Variants in PTPRK observed in about 807,000 individuals in gnomAD.
PTPRK encodes protein tyrosine phosphatase receptor type K, also known as receptor-type tyrosine-protein phosphatase kappa.
Under a neutral mutation model 178.0 loss-of-function variants are expected in PTPRK, and 75 were observed. The observed-to-expected ratio is 0.42, with a 90% CI of 0.35 to 0.51. PTPRK has a LOEUF of 0.51. PTPRK is among the 20% of genes least tolerant of loss of function. The pLI, the probability that PTPRK is intolerant of heterozygous loss-of-function variation, is 0.02. For synonymous variants in PTPRK, 637 were observed against 620.6 expected, an observed-to-expected ratio of 1.03 and a Z score of -0.39; for missense variants, 1,441 against 1,797.8, an observed-to-expected ratio of 0.80 and a Z score of 3.59.
At chr6:128,440,498 G>C (rs1846142055) in intron 1 of PTPRK, among the ~76,000 whole-genome samples, 1 of 152,100 alleles carries the variant, frequency 6.6e-6, no homozygotes, top group African/African-American at 2.4e-5. Flanking sequence ...TCAAAAACTT[G>C]TTTTAACATA....
chr6:128,506,565 CAGG>C (rs767205575), intron 1 of PTPRK, among the ~76,000 whole-genome samples: 4 of 147,646 alleles, frequency 2.7e-5, no homozygotes, highest in Non-Finnish European at 5.9e-5. Context: ...AAGGCTGAGG[CAGG>C]AGTTTTGCTT....
intron 1 of PTPRK, among the ~76,000 whole-genome samples, chr6:128,466,437 A>G (rs942566685): frequency 2.0e-5 from 3 of 152,232 alleles, no homozygotes; most frequent in Admixed American, 6.5e-5. Flanking sequence ...TAGAAAATAA[A>G]GCAATTATAT....
At chr6:128,209,085 C>T (rs182585031) in intron 6 of PTPRK, among the ~76,000 whole-genome samples, 1 of 151,980 alleles carries the variant, frequency 6.6e-6, no homozygotes, top group Non-Finnish European at 1.5e-5. Context: ...TAACCACCCC[C>T]CCCAGGAACA....
At chr6:128,336,407 CAGTT>C (rs1562307933) in intron 2 of PTPRK, among the ~76,000 whole-genome samples, 3 of 152,148 alleles carry the variant, frequency 2.0e-5, no homozygotes, top group Admixed American at 6.6e-5. Flanking sequence ...AAAGAAGTAA[CAGTT>C]AGATCTCAGA....
intron 3 of PTPRK, among the ~76,000 whole-genome samples, chr6:128,261,733 C>T (rs1818213570): frequency 6.6e-6 from 1 of 151,958 alleles, no homozygotes; most frequent in Non-Finnish European, 1.5e-5. Flanking sequence ...TTGCATCTGG[C>T]TAGTGACTAG....
At chr6:128,443,939 A>T (rs1200723377) in intron 1 of PTPRK, among the ~76,000 whole-genome samples, 4 of 151,784 alleles carry the variant, frequency 2.6e-5, no homozygotes, top group African/African-American at 4.8e-5. Context: ...TGCAACCTCC[A>T]CCTCCCAGGT....
intron 1 of PTPRK, among the ~76,000 whole-genome samples, chr6:128,423,385 G>A (rs544858300): frequency 6.6e-6 from 1 of 152,124 alleles, no homozygotes; most frequent in African/African-American, 2.4e-5. Context: ...ATCTATATTT[G>A]TTTTGGGGAG....
chr6:128,230,360 T>C (rs1461949635), intron 5 of PTPRK, among the ~76,000 whole-genome samples: 2 of 152,110 alleles, frequency 1.3e-5, no homozygotes, highest in Non-Finnish European at 2.9e-5. Context: ...AAGACTATGG[T>C]GTCTAGGGAT....
At chr6:128,093,270 T>C (rs769807620) in intron 7 of PTPRK, among the ~76,000 whole-genome samples, 3 of 151,820 alleles carry the variant, frequency 2.0e-5, no homozygotes, top group Non-Finnish European at 4.4e-5. Context: ...GAAAAGGCTG[T>C]AGTCAAAAAT....
chr6:128,454,449 TTTTGC>T (rs1430933183), intron 1 of PTPRK, among the ~76,000 whole-genome samples: 3 of 152,224 alleles, frequency 2.0e-5, no homozygotes, highest in Non-Finnish European at 4.4e-5. Flanking sequence ...CCAGCCATCT[TTTTGC>T]TTTATCAATA....
intron 1 of PTPRK, among the ~76,000 whole-genome samples, chr6:128,440,377 A>C (rs1846123376): frequency 6.6e-6 from 1 of 152,130 alleles, no homozygotes; most frequent in Non-Finnish European, 1.5e-5. Context: ...TTTCTTTCTC[A>C]ATCAAAACTC....
chr6:128,225,690 A>G (rs1245200531), intron 5 of PTPRK, among the ~76,000 whole-genome samples: 3 of 152,152 alleles, frequency 2.0e-5, no homozygotes, highest in Non-Finnish European at 4.4e-5. Context: ...AAAAAATACT[A>G]TGTTATTATT....
intron 6 of PTPRK, among the ~76,000 whole-genome samples, chr6:128,191,575 T>C (rs1256357301): frequency 6.6e-6 from 1 of 152,056 alleles, no homozygotes; most frequent in Admixed American, 6.6e-5. Context: ...ATATTAAATA[T>C]TCTCACCACA....
chr6:128,310,640 G>C (rs1267805031), intron 3 of PTPRK, among the ~76,000 whole-genome samples: 1 of 152,156 alleles, frequency 6.6e-6, no homozygotes, highest in Non-Finnish European at 1.5e-5. Context: ...AGAGGCAAGT[G>C]GCACCGCAAA....
At chr6:128,318,835 A>G (rs1828395193) in intron 3 of PTPRK, among the ~76,000 whole-genome samples, 1 of 152,114 alleles carries the variant, frequency 6.6e-6, no homozygotes, top group Non-Finnish European at 1.5e-5. Flanking sequence ...ACACCTAAGG[A>G]TTTGCGGGAT....
chr6:128,057,726 T>C lies in PTPRK; in HGVS notation c.2194+7032A>G, dbSNP rs542384913. On this transcript the variant is annotated intron_variant, in intron 13 of 29. Coordinates refer to ENST00000368226, the MANE Select transcript of PTPRK (RefSeq NM_002844.4). ...TGTATCCTTTCACTGTAATAAGTCG[T>C]AGCCATGAGAACAGGACAACTCACA... Among the ~76,000 whole-genome samples, 91 of 152,270 alleles carry C rather than the reference T, an allele frequency of 6.0e-4. 1 individual carries two copies. Among genetic ancestry groups the C allele is most frequent in the South Asian group, 1.5e-3 (7 of 4,824 alleles).
At position 128,083,739 on chromosome 6, in the gene PTPRK, T is replaced by C; in HGVS notation, c.1551A>G (p.Pro517=). ...CCTCATATTGAGTGATGATTCCATT[T>C]GGATCCAAAGGTTCTTTCCAGTTCA... ...IFLNWKEPLD[P]NGIITQYEIS... is the part of the protein sequence containing the mutation. Residue 517 remains proline, a synonymous_variant, in exon 9 of 30, where the codon CCA becomes CCG. Coordinates refer to ENST00000368226, the MANE Select transcript of PTPRK (RefSeq NM_002844.4). 1 of 1,601,562 alleles carries C rather than the reference T, an allele frequency of 6.2e-7. No individual in the cohort carries two copies. The highest frequency in any genetic ancestry group is 2.3e-5 in the East Asian group (1 of 44,330).
intron 1 of PTPRK, among the ~76,000 whole-genome samples, chr6:128,503,540 A>G (rs1409708212): frequency 6.6e-6 from 1 of 152,200 alleles, no homozygotes; most frequent in Non-Finnish European, 1.5e-5. Flanking sequence ...CCTCTGTGCT[A>G]TATACACTGC....
intron 2 of PTPRK, among the ~76,000 whole-genome samples, chr6:128,342,034 C>A (rs931880391): frequency 7.2e-5 from 11 of 152,122 alleles, no homozygotes; most frequent in African/African-American, 2.7e-4. Context: ...TGGCGGATCA[C>A]CTGAGGTCAG....
Sources: gnomAD v4.1 joint callset for allele counts (sites outside exome capture counted in the v4.1 genomes callset) on GRCh38, gnomAD v4.1.1 for gene constraint, MANE v1.5 for transcripts, NCBI Gene and HGNC (gene_info 2026-07-23, HGNC 2026-07-21) for gene names.